Variants in CCNT1 observed in about 807,000 individuals in gnomAD.
The protein encoded by CCNT1 is cyclin-T1.
Under a neutral mutation model 67.3 loss-of-function variants are expected in CCNT1, and 18 were observed. The observed-to-expected ratio is 0.27, with a 90% CI of 0.18 to 0.40. The LOEUF (loss-of-function observed/expected upper bound fraction) is 0.40. Ranked by LOEUF, CCNT1 falls within the 10% of genes least tolerant of loss-of-function variation. The pLI is 1.00. For synonymous variants in CCNT1, 333 were observed against 310.3 expected (o/e 1.07, Z -0.77); for missense variants, 744 against 884.9 (o/e 0.84, Z 2.02).
Position 48,693,644 on chromosome 12 carries a change from G to C in CCNT1, c.1570C>G (p.His524Asp). 1.2e-6 allele frequency: 2 copies of C among 1,614,148 alleles called. No individual in the cohort carries two copies. Among genetic ancestry groups the C allele is most frequent in the Non-Finnish European group, 1.7e-6 (2 of 1,180,030 alleles). Residue 524 changes from histidine to aspartate, a missense_variant, in exon 9 of 9, where the codon CAC becomes GAC. Around this residue, in one of 3 missense-constraint regions of CCNT1, gnomAD observed 564 missense variants for 574.2 expected, o/e 0.98. Coordinates refer to ENST00000261900, the MANE Select transcript of CCNT1 (RefSeq NM_001240.4). The part of the protein sequence containing the change: ...PSNHHHHHNH[H>D]SHKHSHSQLP... ...TGGGAATGAGAGTGCTTGTGTGAGT[G>C]GTGATTATGATGATGATGATGATTA...
intron 6 of CCNT1, among the ~76,000 whole-genome samples, chr12:48,697,477 C>T (rs1027630022): frequency 4.8e-5 from 7 of 146,674 alleles, no homozygotes; most frequent in Admixed American, 1.4e-4. Flanking sequence ...GAGCCAAGAT[C>T]GCACCACTTC....
chr12:48,716,473 C>A (rs1238941974), intron 1 of CCNT1, 42 bp downstream of exon 1: 2 of 1,549,258 alleles, frequency 1.3e-6, no homozygotes, highest in South Asian at 1.2e-5. Context: ...CAGAGCATGG[C>A]GGGACCAACT....
intron 2 of CCNT1, among the ~76,000 whole-genome samples, chr12:48,706,632 T>C (rs1461580181): frequency 6.6e-6 from 1 of 152,194 alleles, no homozygotes; most frequent in East Asian, 1.9e-4. Flanking sequence ...CTTGGAAACT[T>C]CAGGAAATAG....
chr12:48,698,032 G>A, intron 6 of CCNT1, 106 bp downstream of exon 6: 1 of 621,306 alleles, frequency 1.6e-6, no homozygotes, highest in Non-Finnish European at 2.7e-6. Context: ...TGAAAACTGT[G>A]CAGAAAAATC....
chr12:48,702,189 G>A (rs930081249), intron 3 of CCNT1, among the ~76,000 whole-genome samples: 24 of 152,258 alleles, frequency 1.6e-4, no homozygotes, highest in South Asian at 6.2e-4. Flanking sequence ...GAGCCACCGC[G>A]CCTGGCCATA....
intron 2 of CCNT1, among the ~76,000 whole-genome samples, chr12:48,708,713 T>C (rs961626065): frequency 1.3e-5 from 2 of 152,200 alleles, no homozygotes; most frequent in South Asian, 2.1e-4. Context: ...TTAACAGGAT[T>C]ATCTCTTTAT....
At chr12:48,703,762 C>T (rs1482843991) in intron 3 of CCNT1, among the ~76,000 whole-genome samples, 1 of 151,464 alleles carries the variant, frequency 6.6e-6, no homozygotes, top group African/African-American at 2.4e-5. Context: ...TGGTGAAACC[C>T]CATCTCTACA....
chr12:48,704,804 G>A (rs151079394), intron 3 of CCNT1, among the ~76,000 whole-genome samples: 2,456 of 151,736 alleles, frequency 0.016, 30 homozygotes, highest in Non-Finnish European at 0.024. Context: ...GCAAGATTCC[G>A]TCTCAAAAAA....
At chr12:48,700,318 CAA>C (rs372908471) in intron 4 of CCNT1, among the ~76,000 whole-genome samples, 1 of 82,264 alleles carries the variant, frequency 1.2e-5, no homozygotes, top group Non-Finnish European at 2.2e-5. Context: ...GACTCCGTCT[CAA>C]AAAAAAAAAA....
intron 2 of CCNT1, among the ~76,000 whole-genome samples, chr12:48,709,712 T>A (rs1379952096): frequency 6.6e-6 from 1 of 152,168 alleles, no homozygotes; most frequent in African/African-American, 2.4e-5. Context: ...TATGATTTTT[T>A]AAATAAAAAT....
intron 6 of CCNT1, among the ~76,000 whole-genome samples, chr12:48,697,522 T>TAAAAAAAAAAAAAAAAAAAAAAAA (rs1205232506): frequency 8.6e-6 from 1 of 116,826 alleles, no homozygotes; most frequent in African/African-American, 3.4e-5. Context: ...GACTCTGTCT[T>TAAAAAAAAAAAAAAAAAAAAAAAA]AAAAAAAAAA....
At position 48,705,627 on chromosome 12, in the gene CCNT1, A is replaced by C. The variant is rs376920875; in HGVS notation, c.372+141T>G. On this transcript the variant is annotated intron_variant, in intron 3 of 8. Coordinates refer to ENST00000261900, the MANE Select transcript of CCNT1 (RefSeq NM_001240.4). Reference sequence around the variant, plus strand: ...CAAACACTAAAATATTCTTTTAACAACACCAATCTAAACTTCAATAAATCG... The same window carrying C: ...CAAACACTAAAATATTCTTTTAACACCACCAATCTAAACTTCAATAAATCG... 5.7e-4 allele frequency: 402 copies of C among 709,158 alleles called. 9 individuals are homozygous for C. The South Asian group carries it at 6.9e-3, about 12-fold the overall frequency. The allele number at this position is 709,158 out of a possible 1,614,324, so 43.9% of individuals were successfully genotyped here.
chr12:48,716,381 G>A, intron 1 of CCNT1, 134 bp downstream of exon 1: 2 of 771,502 alleles, frequency 2.6e-6, no homozygotes, highest in Non-Finnish European at 4.1e-6. Flanking sequence ...GCCCCATCGT[G>A]GGCTCTCCCA....
chr12:48,690,601 A>C lies in CCNT1; in HGVS notation c.*2432T>G, dbSNP rs1359295409. 6.6e-6 allele frequency: 1 copy of C among 152,196 alleles called. No individual in the cohort carries two copies. Among genetic ancestry groups the C allele is most frequent in the Non-Finnish European group, 1.5e-5 (1 of 68,044 alleles). 9.4% of individuals were successfully genotyped at this position (152,196 alleles called of 1,614,324 possible). A position where few individuals can be genotyped will look rare whatever the true frequency, so the allele number is the denominator to read the frequency against. On this transcript the variant is annotated 3_prime_UTR_variant, in exon 9 of 9. Coordinates refer to ENST00000261900, the MANE Select transcript of CCNT1 (RefSeq NM_001240.4). ...CAGTACCAGGAGGCATTAACACAGA[A>C]AGGTCTCTAAACTGACCTATGTCAG...
At chr12:48,698,008 T>C in intron 6 of CCNT1, 130 bp downstream of exon 6, 1 of 549,242 alleles carries the variant, frequency 1.8e-6, no homozygotes, top group Non-Finnish European at 3.1e-6. Context: ...ACCATGGAAA[T>C]TTAAAGTACA....
chr12:48,702,728 A>G (rs1940291094), intron 3 of CCNT1, among the ~76,000 whole-genome samples: 1 of 152,038 alleles, frequency 6.6e-6, no homozygotes, highest in African/African-American at 2.4e-5. Flanking sequence ...TGAGGCAGAG[A>G]ATTTCTTGAA....
rs1391338549 is a variant in CCNT1 at position 48,692,165 on chromosome 12, T to A, written c.*868A>T. ...CTCATAATAAGGTTAAGAGTCAGGG[T>A]GTTGGCTGTACTTGCCCAAACTACA... On this transcript the variant is annotated 3_prime_UTR_variant, in exon 9 of 9. Coordinates refer to ENST00000261900, the MANE Select transcript of CCNT1 (RefSeq NM_001240.4). 6.6e-6 allele frequency: 1 copy of A among 152,174 alleles called. No homozygotes were observed. The highest frequency in any genetic ancestry group is 1.5e-5 in the Non-Finnish European group (1 of 68,036). The allele number at this position is 152,174 out of a possible 1,614,324, so 9.4% of individuals were successfully genotyped here. A position where few individuals can be genotyped will look rare whatever the true frequency, so the allele number is the denominator to read the frequency against.
rs1183310633 is a variant in CCNT1, at chr12:48,690,775, T to C, written c.*2258A>G. On this transcript the variant is annotated 3_prime_UTR_variant, in exon 9 of 9. Coordinates refer to ENST00000261900, the MANE Select transcript of CCNT1 (RefSeq NM_001240.4). ...GATAACTGCTATGAGGCCAAATGAT[T>C]ATGTGCCTCTGTGGTAAAGGAGTGC... 3 of 152,212 alleles carry C rather than the reference T, an allele frequency of 2.0e-5. No homozygotes were observed. The highest frequency in any genetic ancestry group is 4.8e-5 in the African/African-American group (2 of 41,458). 9.4% of individuals were successfully genotyped at this position (152,212 alleles called of 1,614,324 possible).
Position 48,688,573 on chromosome 12 carries a change from AAATTTTTTG to A in CCNT1, c.*4451_*4459del, listed in dbSNP as rs1468570601. 2 of 152,280 alleles carry A rather than the reference AAATTTTTTG, an allele frequency of 1.3e-5. No homozygotes were observed. Among genetic ancestry groups the A allele is most frequent in the African/African-American group, 2.4e-5 (1 of 41,568 alleles). The allele number at this position is 152,280 out of a possible 1,614,324, so 9.4% of individuals were successfully genotyped here. ...ACTATAAAATGTATACATCCTTTTT[AAATTTTTTG>A]AATTTTTTTACAAAGAGCCCTTACT... On this transcript the variant is annotated 3_prime_UTR_variant, in exon 9 of 9. Transcript: ENST00000261900.
Sources: gnomAD v4.1 joint callset for allele counts (sites outside exome capture counted in the v4.1 genomes callset) on GRCh38, gnomAD v4.1.1 for gene constraint, gnomAD v4.1.1 regional missense constraint, MANE v1.5 for transcripts, NCBI Gene and HGNC (gene_info 2026-07-23, HGNC 2026-07-21) for gene names.